ARMH3: variants seen among roughly 807,000 people sequenced by gnomAD.
ARMH3 encodes armadillo like helical domain containing 3.
A neutral mutation model predicts 99.1 loss-of-function variants in ARMH3; 60 were observed. That is an observed-to-expected ratio of 0.61 (90% CI 0.49 to 0.75). The LOEUF (loss-of-function observed/expected upper bound fraction) is 0.75. Ranked by LOEUF, ARMH3 falls within the 30% of genes least tolerant of loss-of-function variation. The pLI is 0.00. For synonymous variants in ARMH3, 285 were observed against 292.8 expected (o/e 0.97, Z 0.27); for missense variants, 679 against 843.1 (o/e 0.81, Z 2.41).
intron 8 of ARMH3, 40 bp downstream of exon 8, chr10:102,023,437 T>G (rs2066932042): frequency 1.3e-6 from 2 of 1,560,080 alleles, no homozygotes; most frequent in East Asian, 4.5e-5. Context: ...TTAAGAAGAT[T>G]ATAGGCAGAT....
intron 24 of ARMH3, among the ~76,000 whole-genome samples, chr10:101,874,266 T>C (rs2067205264): frequency 6.6e-6 from 1 of 152,046 alleles, no homozygotes; most frequent in African/African-American, 2.4e-5. Context: ...TAATTATACC[T>C]CAATAAAGTT....
At chr10:101,918,454 G>A (rs1214757622) in intron 23 of ARMH3, among the ~76,000 whole-genome samples, 2 of 152,110 alleles carry the variant, frequency 1.3e-5, no homozygotes, top group African/African-American at 2.4e-5. Context: ...CAAAAAATGT[G>A]GCCACTTAGA....
At chr10:101,974,770 G>A (rs371180026) in intron 20 of ARMH3, among the ~76,000 whole-genome samples, 84 of 151,580 alleles carry the variant, frequency 5.5e-4, no homozygotes, top group Non-Finnish European at 1.0e-3. Flanking sequence ...TCCCCACCCC[G>A]TCCCCATCCC....
At chr10:102,021,038 T>C (rs965298263) in intron 8 of ARMH3, among the ~76,000 whole-genome samples, 1 of 152,102 alleles carries the variant, frequency 6.6e-6, no homozygotes, top group South Asian at 2.1e-4. Flanking sequence ...ACAACTATTT[T>C]ATATCTTTTA....
chr10:101,866,307 T>A (rs1460577370), intron 24 of ARMH3, among the ~76,000 whole-genome samples: 1 of 151,716 alleles, frequency 6.6e-6, no homozygotes, highest in Non-Finnish European at 1.5e-5. Context: ...CTTGAACAAC[T>A]CCATGGAACC....
At chr10:101,909,326 G>A (rs1282250045) in intron 23 of ARMH3, among the ~76,000 whole-genome samples, 2 of 151,378 alleles carry the variant, frequency 1.3e-5, no homozygotes, top group Non-Finnish European at 2.9e-5. Context: ...AGGACTGCTT[G>A]AGCCTGGGAG....
intron 23 of ARMH3, among the ~76,000 whole-genome samples, chr10:101,914,530 G>A (rs182976790): frequency 8.8e-4 from 132 of 150,118 alleles, no homozygotes; most frequent in African/African-American, 3.1e-3. Context: ...AACATAAACC[G>A]TTATCTCACA....
chr10:102,055,635 G>A (rs946614706), intron 1 of ARMH3, among the ~76,000 whole-genome samples: 3 of 152,180 alleles, frequency 2.0e-5, no homozygotes, highest in African/African-American at 7.2e-5. Context: ...AGCCCTTCCG[G>A]GACACCTGAA....
At chr10:101,918,715 A>G (rs10786653) in intron 23 of ARMH3, among the ~76,000 whole-genome samples, 31,255 of 152,172 alleles carry the variant, frequency 0.21, 3,571 homozygotes, top group East Asian at 0.52. Context: ...GCAAGTAATT[A>G]ATCACAGAAA....
At chr10:101,871,719 G>T (rs2067136274) in intron 24 of ARMH3, among the ~76,000 whole-genome samples, 1 of 152,170 alleles carries the variant, frequency 6.6e-6, no homozygotes, top group Non-Finnish European at 1.5e-5. Flanking sequence ...AATACAACGA[G>T]GCCGGGTACA....
rs554305279 is a variant in ARMH3, at chr10:101,932,460, C to T, written c.1781+7403G>A. On this transcript the variant is annotated intron_variant, in intron 23 of 25. Transcript: ENST00000370033. ...GCAGAGTCTCAAAGAGATTTACATA[C>T]ACTCATGTTCACACTAGCATTAGTC... is the stretch of plus-strand genomic sequence containing the variant. Among the ~76,000 whole-genome samples, 3 of 152,306 alleles carry T rather than the reference C, an allele frequency of 2.0e-5. 1 individual carries two copies. Among genetic ancestry groups the T allele is most frequent in the African/African-American group, 7.2e-5 (3 of 41,556 alleles).
intron 24 of ARMH3, among the ~76,000 whole-genome samples, chr10:101,862,564 G>C (rs959844909): frequency 6.6e-6 from 1 of 152,056 alleles, no homozygotes; most frequent in Non-Finnish European, 1.5e-5. Flanking sequence ...GCAACAGAGT[G>C]ACACTCCATC....
At chr10:101,951,749 TCCCATTTAC>T (rs1428537480) in intron 22 of ARMH3, among the ~76,000 whole-genome samples, 1 of 151,502 alleles carries the variant, frequency 6.6e-6, no homozygotes, top group Non-Finnish European at 1.5e-5. Context: ...GGGCCTGTAA[TCCCATTTAC>T]CTGGGAGGCT....
intron 15 of ARMH3, among the ~76,000 whole-genome samples, chr10:102,000,409 AGAG>A (rs1455207163): frequency 5.3e-5 from 8 of 152,006 alleles, no homozygotes; most frequent in Admixed American, 1.3e-4. Flanking sequence ...CCTTGGGGCA[AGAG>A]GAGGATGGGG....
At chr10:101,949,427 A>G (rs1489394985) in intron 22 of ARMH3, among the ~76,000 whole-genome samples, 1 of 152,118 alleles carries the variant, frequency 6.6e-6, no homozygotes, top group Non-Finnish European at 1.5e-5. Flanking sequence ...CCCTACAGAC[A>G]TTAAAAATGA....
intron 23 of ARMH3, 63 bp downstream of exon 23, chr10:101,939,791 TTTACTTAGA>T (rs1301141517): frequency 3.0e-6 from 4 of 1,344,228 alleles, no homozygotes; most frequent in Non-Finnish European, 4.2e-6. Flanking sequence ...TTCAACACAC[TTTACTTAGA>T]AAGGTACAAT....
intron 22 of ARMH3, among the ~76,000 whole-genome samples, chr10:101,940,827 T>C (rs1373380706): frequency 2.6e-5 from 4 of 152,170 alleles, no homozygotes; most frequent in Non-Finnish European, 4.4e-5. Context: ...AATAGAAATA[T>C]AGACCTGAAT....
intron 19 of ARMH3, among the ~76,000 whole-genome samples, chr10:101,985,366 TGTATATATAATAC>T (rs1317966582): frequency 6.6e-6 from 1 of 151,140 alleles, no homozygotes; most frequent in Non-Finnish European, 1.5e-5. Flanking sequence ...TATGTATACA[TGTATATATAATAC>T]GTATATATAC....
chr10:101,960,656 T>A (rs1279534004), intron 20 of ARMH3, among the ~76,000 whole-genome samples: 1 of 151,964 alleles, frequency 6.6e-6, no homozygotes, highest in African/African-American at 2.4e-5. Flanking sequence ...TTTGGGAGGC[T>A]GAGGCAGGCT....
Sources: allele counts gnomAD v4.1 joint callset (sites outside exome capture counted in the v4.1 genomes callset), GRCh38; gene constraint gnomAD v4.1.1; transcripts MANE v1.5; gene names NCBI Gene and HGNC (gene_info 2026-07-23, HGNC 2026-07-21).